TCN2: variants seen among roughly 807,000 people sequenced by gnomAD.
TCN2 encodes the protein transcobalamin-2.
Under a neutral mutation model 48.6 loss-of-function variants are expected in TCN2, and 34 were observed. That is an observed-to-expected ratio of 0.70 (90% CI 0.53 to 0.93). TCN2 has a LOEUF of 0.93. TCN2 is among the 40% of genes least tolerant of loss of function. The pLI is 0.00. For missense variants in TCN2, 652 were observed against 526.1 expected (o/e 1.24, Z -2.34); for synonymous variants, 283 against 212.5 (o/e 1.33, Z -2.89).
chr22:30,617,712 A>T (rs1452855402), intron 7 of TCN2: 2 of 623,090 alleles, frequency 3.2e-6, no homozygotes, highest in African/African-American at 3.7e-5. Flanking sequence ...TTGGAGGCAG[A>T]GCCCCCCAGT....
intron 8 of TCN2, among the ~76,000 whole-genome samples, chr22:30,623,821 C>CATATATACACACACATAT (rs1189547818): frequency 0.081 from 2,485 of 30,610 alleles, 883 homozygotes; most frequent in Middle Eastern, 0.11. Flanking sequence ...TATACACACA[C>CATATATACACACACATAT]ATACACACAC....
At chr22:30,615,814 G>A (rs944508756) in intron 6 of TCN2, 27 bp downstream of exon 6, 1 of 1,613,646 alleles carries the variant, frequency 6.2e-7, no homozygotes, top group African/African-American at 1.3e-5. Context: ...TGGAAGCACA[G>A]CCCTTTACAA....
Position 30,623,845 on chromosome 22 carries a change from T to TATACACAC in TCN2, c.1222+763_1222+764insTACACACA, listed in dbSNP as rs1569046606. Among the ~76,000 whole-genome samples, 47 of 71,886 alleles carry TATACACAC rather than the reference T, an allele frequency of 6.5e-4. 17 individuals are homozygous for TATACACAC. The highest frequency in any genetic ancestry group is 9.5e-4 in the Non-Finnish European group (41 of 43,136). 47.2% of individuals were successfully genotyped at this position (71,886 alleles called of 152,430 possible). A position where few individuals can be genotyped will look rare whatever the true frequency, so the allele number is the denominator to read the frequency against. On this transcript the variant is annotated intron_variant, in intron 8 of 8. Coordinates refer to ENST00000215838, the MANE Select transcript of TCN2 (RefSeq NM_000355.4). The stretch of plus-strand genomic sequence containing the variant: ...ACATACACACACATATACACACACA[T>TATACACAC]ACATACACATACATACACACATATA...
chr22:30,609,240 C>T lies in TCN2; in HGVS notation c.65-1631C>T, dbSNP rs532138905. 6.6e-5 allele frequency among the ~76,000 whole-genome samples: 10 copies of T among 151,336 alleles called. No individual in the cohort carries two copies. In the East Asian group the frequency reaches 9.8e-4, roughly 15 times the overall value. ...TTGGTTTCAAACTCCTAGGGTCAAG[C>T]GATCCTCCCACCTTGGCCTCCCAAA... On this transcript the variant is annotated intron_variant, in intron 1 of 8. Coordinates refer to ENST00000215838, the MANE Select transcript of TCN2 (RefSeq NM_000355.4).
rs1268187291 is a variant in TCN2 at position 30,612,960 on chromosome 22, C to T, written c.345C>T (p.Asn115=). The T allele has an allele frequency of 4.3e-6, 7 of 1,614,088 alleles. No homozygotes were observed. Among genetic ancestry groups the T allele is most frequent in the African/African-American group, 1.3e-5 (1 of 74,928 alleles). Residue 115 remains asparagine, a synonymous_variant, in exon 3 of 9, where the codon AAC becomes AAT. Transcript: ENST00000215838. ...TCTACCTGCTCGCTCTCAGAGCCAA[C>T]TGTGAGTTTGTCAGGGGCCACAAGG... The part of the protein sequence containing the change: ...LALYLLALRA[N]CEFVRGHKGD...
At chr22:30,620,881 G>T (rs1013751689) in intron 7 of TCN2, among the ~76,000 whole-genome samples, 1 of 152,202 alleles carries the variant, frequency 6.6e-6, no homozygotes, top group East Asian at 1.9e-4. Flanking sequence ...GAGAGAGGTA[G>T]CCCTGTGCAG....
intron 7 of TCN2, among the ~76,000 whole-genome samples, chr22:30,618,411 G>C (rs1286799205): frequency 1.3e-5 from 2 of 151,972 alleles, no homozygotes; most frequent in African/African-American, 4.8e-5. Context: ...GAGTGCAGTG[G>C]CGCAATCTCG....
chr22:30,611,809 A>G (rs1358943689), intron 2 of TCN2, among the ~76,000 whole-genome samples: 2 of 152,184 alleles, frequency 1.3e-5, no homozygotes, highest in African/African-American at 4.8e-5. Context: ...CACCAATCCA[A>G]AAGCAGCATC....
At chr22:30,610,693 T>A (rs1208938720) in intron 1 of TCN2, among the ~76,000 whole-genome samples, 178 bp from the exon 2 acceptor site, 2 of 152,184 alleles carry the variant, frequency 1.3e-5, no homozygotes, top group Non-Finnish European at 2.9e-5. Context: ...ACGCTTCCCC[T>A]CTTTTCTCCT....
intron 8 of TCN2, among the ~76,000 whole-genome samples, chr22:30,623,559 CT>C (rs2087730727): frequency 6.6e-6 from 1 of 151,686 alleles, no homozygotes; most frequent in African/African-American, 2.4e-5. Flanking sequence ...GCCAAAATTA[CT>C]TAACTTTTCT....
At position 30,624,085 on chromosome 22, in the gene TCN2, T is replaced by TTA. The variant is rs1569047401; in HGVS notation, c.1222+1003_1222+1004insAT. On this transcript the variant is annotated intron_variant, in intron 8 of 8. Coordinates refer to ENST00000215838, the MANE Select transcript of TCN2 (RefSeq NM_000355.4). ...ACATATATATATATATATATATTTT[T>TTA]TTTTTTTGAGATGGAGTCTTGCTCT... Among the ~76,000 whole-genome samples, 52 of 127,278 alleles carry TTA rather than the reference T, an allele frequency of 4.1e-4. 23 individuals carry two copies. The highest frequency in any genetic ancestry group is 1.6e-3 in the African/African-American group (52 of 32,746). 83.5% of individuals were successfully genotyped at this position (127,278 alleles called of 152,430 possible).
intron 8 of TCN2, among the ~76,000 whole-genome samples, chr22:30,623,753 TATATGTATATATATATAC>T (rs2087737980): frequency 1.2e-5 from 1 of 83,184 alleles, no homozygotes; most frequent in Non-Finnish European, 2.3e-5. Flanking sequence ...TACACACATA[TATATGTATATATATATAC>T]ACACATATAT....
At chr22:30,624,338 T>C (rs1347402933) in intron 8 of TCN2, among the ~76,000 whole-genome samples, 2 of 151,860 alleles carry the variant, frequency 1.3e-5, no homozygotes, top group African/African-American at 4.8e-5. Flanking sequence ...CCTCCCAAAG[T>C]GCTGGGATTA....
At chr22:30,623,924 ATG>A (rs1254671710) in intron 8 of TCN2, among the ~76,000 whole-genome samples, 1 of 36,652 alleles carries the variant, frequency 2.7e-5, no homozygotes, top group Non-Finnish European at 5.1e-5. Flanking sequence ...ACACATATAT[ATG>A]TATACATATA....
rs1131603 is a variant in TCN2, at chr22:30,622,988, T to C, written c.1127T>C (p.Leu376Ser). Residue 376 changes from leucine to serine, a missense_variant, in exon 8 of 9, where the codon TTG becomes TCG. By Grantham distance (145) the Leu-to-Ser change is moderately radical. Transcript: ENST00000215838. Reference protein sequence around the residue: ...GGFTYETQASLSGPYLTSVMG... With the variant: ...GGFTYETQASSSGPYLTSVMG... Reference sequence around the variant, plus strand: ...TGTAGATATGAAACACAGGCCTCCTTGTCAGGCCCCTACTTAACCTCCGTG... The same window carrying C: ...TGTAGATATGAAACACAGGCCTCCTCGTCAGGCCCCTACTTAACCTCCGTG... The C allele has an allele frequency of 0.044, 70,395 of 1,614,044 alleles. 1,756 individuals are homozygous for C. Among genetic ancestry groups the C allele is most frequent in the Non-Finnish European group, 0.048 (56,541 of 1,179,976 alleles).
At position 30,623,943 on chromosome 22, in the gene TCN2, C is replaced by CATATGTATACATATAT. The variant is rs1569046916; in HGVS notation, c.1222+861_1222+862insTATGTATACATATATA. Among the ~76,000 whole-genome samples, 9 of 105,930 alleles carry CATATGTATACATATAT rather than the reference C, an allele frequency of 8.5e-5. 3 individuals carry two copies. The South Asian group carries it at 1.0e-3, about 12-fold the overall frequency. The allele number at this position is 105,930 out of a possible 152,430, so 69.5% of individuals were successfully genotyped here. A position where few individuals can be genotyped will look rare whatever the true frequency, so the allele number is the denominator to read the frequency against. On this transcript the variant is annotated intron_variant, in intron 8 of 8. Coordinates refer to ENST00000215838, the MANE Select transcript of TCN2 (RefSeq NM_000355.4). ...ATATATATGTATACATATATACACA[C>CATATGTATACATATAT]ACACATATGTATACATATATACACA...
chr22:30,615,387 A>G lies in TCN2; in HGVS notation c.667A>G (p.Ile223Val), dbSNP rs144889471. 6.8e-5 allele frequency: 110 copies of G among 1,614,036 alleles called. No homozygotes were observed. Among genetic ancestry groups the G allele is most frequent in the Non-Finnish European group, 8.7e-5 (103 of 1,180,034 alleles). Residue 223 changes from isoleucine to valine, a missense_variant, in exon 5 of 9, where the codon ATC becomes GTC. By Grantham distance (29) the Ile-to-Val change is conservative. Coordinates refer to ENST00000215838, the MANE Select transcript of TCN2 (RefSeq NM_000355.4). ...TCGGAGACAACGGATCACCATGGCC[A>G]TCAGAACAGTGCGAGAGGAGATCTT... is the stretch of plus-strand genomic sequence containing the variant. ...PGRRQRITMA[I>V]RTVREEILKA...
intron 1 of TCN2, among the ~76,000 whole-genome samples, chr22:30,608,234 G>A (rs1181414234): frequency 6.6e-6 from 1 of 152,196 alleles, no homozygotes; most frequent in East Asian, 1.9e-4. Flanking sequence ...GGTCTCTTGA[G>A]ACCCTGGGGA....
At chr22:30,613,903 T>G (rs2087574678) in intron 3 of TCN2, among the ~76,000 whole-genome samples, 1 of 152,108 alleles carries the variant, frequency 6.6e-6, no homozygotes, top group African/African-American at 2.4e-5. Flanking sequence ...TCTCAACTCA[T>G]AAGCCAGTTT....
Sources: gnomAD v4.1 joint callset for allele counts (sites outside exome capture counted in the v4.1 genomes callset) on GRCh38, gnomAD v4.1.1 for gene constraint, MANE v1.5 for transcripts, NCBI Gene and HGNC (gene_info 2026-07-23, HGNC 2026-07-21) for gene names.